The following CD151 variants were observed in gnomAD, a reference collection of about 807,000 sequenced individuals.
CD151 encodes CD151 molecule (Raph blood group), also known as CD151 antigen.
A neutral mutation model predicts 34.2 loss-of-function variants in CD151; 20 were observed. That is an observed-to-expected ratio of 0.58 (90% CI 0.41 to 0.85). The LOEUF (loss-of-function observed/expected upper bound fraction) is 0.85, where lower values mean the gene tolerates loss of function less well. Ranked by LOEUF, CD151 falls within the 40% of genes least tolerant of loss-of-function variation. The pLI, the probability that CD151 is intolerant of heterozygous loss-of-function variation, is 0.00. For missense variants in CD151, 306 were observed against 324.5 expected (o/e 0.94, Z 0.44); for synonymous variants, 157 against 131.7 (o/e 1.19, Z -1.32).
Position 837,232 on chromosome 11 carries a change from C to T in CD151, c.352-18C>T. 1.2e-6 allele frequency: 2 copies of T among 1,602,772 alleles called. No homozygotes were observed. Among genetic ancestry groups the T allele is most frequent in the East Asian group, 2.2e-5 (1 of 44,836 alleles). ...AGGTCTTAGACTGAGGCTGAAGTTT[C>T]CTGCACCCCAACCCCAGCTGAACAC... On this transcript the variant is annotated intron_variant, in intron 5 of 8. Coordinates refer to ENST00000397420, the MANE Select transcript of CD151 (RefSeq NM_004357.5).
At chr11:833,478 T>C (rs998693177) in intron 1 of CD151, among the ~76,000 whole-genome samples, 7 of 152,138 alleles carry the variant, frequency 4.6e-5, no homozygotes, top group African/African-American at 1.4e-4. Context: ...GGTGACCTCA[T>C]TGCAGTGCCC....
At chr11:833,070 G>GCGCGAGGGGGGCGAGGGGC (rs1590205789) in intron 1 of CD151, 44 bp downstream of exon 1, 2 of 130,388 alleles carry the variant, frequency 1.5e-5, no homozygotes, top group Admixed American at 1.5e-4. Flanking sequence ...GGGCGAGCGG[G>GCGCGAGGGGGGCGAGGGGC]GCGAGGGGGG....
At chr11:835,994 CCCT>C (rs1846749179) in intron 2 of CD151, 66 bp from the exon 3 acceptor site, 2 of 922,998 alleles carry the variant, frequency 2.2e-6, no homozygotes, top group Admixed American at 3.6e-5. Context: ...GCCCTGTGTC[CCCT>C]CCTATCCGTC....
At chr11:837,824 T>G in intron 7 of CD151, 118 bp from the exon 8 acceptor site, 1 of 879,112 alleles carries the variant, frequency 1.1e-6, no homozygotes, top group Non-Finnish European at 1.8e-6. Flanking sequence ...GAGCTGTTGG[T>G]GGCCTGGCTG....
intron 1 of CD151, among the ~76,000 whole-genome samples, chr11:833,657 G>T (rs1846627695): frequency 6.6e-6 from 1 of 152,200 alleles, no homozygotes; most frequent in African/African-American, 2.4e-5. Flanking sequence ...AGGCATTCCT[G>T]GGAAGAGGGG....
At position 837,932 on chromosome 11, in the gene CD151, C is replaced by A; in HGVS notation, c.616-10C>A. On this transcript the variant is annotated splice_polypyrimidine_tract_variant and intron_variant, in intron 7 of 8. Transcript: ENST00000397420. ...TGGGCCCGCCTTCAACACCCATCCG[C>A]GCCCCGCAGGGCGGCTGCATCACCA... is the stretch of plus-strand genomic sequence containing the variant. 6.2e-7 allele frequency: 1 copy of A among 1,606,886 alleles called. No homozygotes were observed. Among genetic ancestry groups the A allele is most frequent in the Non-Finnish European group, 8.5e-7 (1 of 1,175,860 alleles).
chr11:835,110 T>G (rs1846702052), intron 2 of CD151: 1 of 152,182 alleles, frequency 6.6e-6, no homozygotes, highest in Non-Finnish European at 1.5e-5. Context: ...AGGTACCCGC[T>G]AGGGCTTCCT....
chr11:833,757 C>T (rs1846634217), intron 1 of CD151, among the ~76,000 whole-genome samples: 1 of 114,264 alleles, frequency 8.8e-6, no homozygotes. Context: ...GACCTTACAG[C>T]CAGGCCAGGG....
intron 4 of CD151, 21 bp downstream of exon 4, chr11:836,463 CG>C: frequency 3.2e-6 from 5 of 1,573,868 alleles, no homozygotes; most frequent in Admixed American, 1.7e-5. Flanking sequence ...CGCAGGGCCA[CG>C]GGGTGGGGGT....
intron 4 of CD151, 35 bp downstream of exon 4, chr11:836,477 T>A (rs1370838279): frequency 2.0e-6 from 3 of 1,498,542 alleles, no homozygotes; most frequent in South Asian, 2.4e-5. Context: ...GTGGGGGTGG[T>A]GCAGATGGGC....
At position 838,014 on chromosome 11, in the gene CD151, A is replaced by G; in HGVS notation, c.688A>G (p.Ile230Val). 6.2e-7 allele frequency: 1 copy of G among 1,613,366 alleles called. No homozygotes were observed. ...GGTCATTGGGGCTGTGGGGATCGGC[A>G]TTGCCTGTGTGCAGGTGAGGGCACA... Reference protein sequence around the residue: ...LRVIGAVGIGIACVQVFGMIF... With the variant: ...LRVIGAVGIGVACVQVFGMIF... The change falls in exon 8 of 9, where the codon ATT (isoleucine) becomes GTT (valine). Residue 230 changes from isoleucine (I) to valine (V), a missense_variant. Physicochemically the swap from Ile to Val is conservative, Grantham distance 29 (BLOSUM62 3). Coordinates refer to ENST00000397420, the MANE Select transcript of CD151 (RefSeq NM_004357.5).
chr11:836,776 T>C lies in CD151; in HGVS notation c.284T>C (p.Ile95Thr). Residue 95 changes from isoleucine (I) to threonine (T), a missense_variant, in exon 5 of 9, where the codon ATC becomes ACC. Ile to Thr is a moderately conservative substitution (Grantham distance 89, BLOSUM62 -1). Transcript: ENST00000397420. Reference sequence around the variant, plus strand: ...TTGTGCTGCCCCCCCCAGTACTTCATCCTGCTCCTCATCATCTTTCTGCTG... The same window carrying C: ...TTGTGCTGCCCCCCCCAGTACTTCACCCTGCTCCTCATCATCTTTCTGCTG... The part of the protein sequence containing the change: ...ERRNLLRLYF[I>T]LLLIIFLLEI... 6.2e-7 allele frequency: 1 copy of C among 1,612,696 alleles called. No individual in the cohort carries two copies. The highest frequency in any genetic ancestry group is 8.5e-7 in the Non-Finnish European group (1 of 1,179,910).
rs908546491 is a variant in CD151, at chr11:838,646, G to A, written c.*454G>A. 8 of 230,962 alleles carry A rather than the reference G, an allele frequency of 3.5e-5. No individual in the cohort carries two copies. The highest frequency in any genetic ancestry group is 2.2e-4 in the East Asian group (2 of 8,920). The allele number at this position is 230,962 out of a possible 1,614,324, so 14.3% of individuals were successfully genotyped here. A position where few individuals can be genotyped will look rare whatever the true frequency, so the allele number is the denominator to read the frequency against. On this transcript the variant is annotated 3_prime_UTR_variant, in exon 9 of 9. Coordinates refer to ENST00000397420, the MANE Select transcript of CD151 (RefSeq NM_004357.5). ...TCCCAACCCAGCCCTCGTCTCCCTC[G>A]ACAGCGCCCCTGCTGTCTTCCCCAC...
chr11:836,765 C>G lies in CD151; in HGVS notation c.277-4C>G, dbSNP rs376390859. On this transcript the variant is annotated splice_region_variant and splice_polypyrimidine_tract_variant and intron_variant, in intron 4 of 8. Transcript: ENST00000397420. ...CAAGGGTGCCCTTGTGCTGCCCCCC[C>G]CAGTACTTCATCCTGCTCCTCATCA... is the stretch of plus-strand genomic sequence containing the variant. The G allele has an allele frequency of 9.9e-5, 159 of 1,612,562 alleles. No homozygotes were observed. The highest frequency in any genetic ancestry group is 1.1e-4 in the Non-Finnish European group (133 of 1,179,896).
rs765563249 is a variant in CD151 at position 836,747 on chromosome 11, G to A, written c.277-22G>A. 6.8e-6 allele frequency: 11 copies of A among 1,607,340 alleles called. No homozygotes were observed. In the South Asian group the frequency reaches 1.1e-4, roughly 16 times the overall value. ...AGGCACTAGGCCTCAGAACAAGGGT[G>A]CCCTTGTGCTGCCCCCCCCAGTACT... On this transcript the variant is annotated intron_variant, in intron 4 of 8. Coordinates refer to ENST00000397420, the MANE Select transcript of CD151 (RefSeq NM_004357.5).
At position 837,495 on chromosome 11, in the gene CD151, G is replaced by A. The variant is rs915743955; in HGVS notation, c.492G>A (p.Trp164Ter). ...GTGGCAGCAACAACTCACAGGACTG[G>A]CGAGACAGTGAGTGGATCCGCTCAC... Reference protein sequence around the residue: ...HCCGSNNSQDWRDSEWIRSQE... With the variant: ...HCCGSNNSQD The change falls in exon 7 of 9, where the codon TGG (tryptophan) becomes TGA (stop). Residue 164 changes from tryptophan (W) to a stop codon, truncating the protein, a stop_gained. Transcript: ENST00000397420. LOFTEE classifies it high-confidence loss of function. 2.5e-6 allele frequency: 4 copies of A among 1,612,848 alleles called. No individual in the cohort carries two copies. Among genetic ancestry groups the A allele is most frequent in the Non-Finnish European group, 3.4e-6 (4 of 1,179,992 alleles).
At chr11:836,190 A>ACCCCCC in intron 3 of CD151, 37 bp downstream of exon 3, 4 of 837,874 alleles carry the variant, frequency 4.8e-6, no homozygotes, top group Non-Finnish European at 7.4e-6. Context: ...CCCCACCCCC[A>ACCCCCC]CCCCTCCCGG....
chr11:835,976 C>T (rs185147276), intron 2 of CD151, 87 bp from the exon 3 acceptor site: 204 of 784,576 alleles, frequency 2.6e-4, no homozygotes, highest in Non-Finnish European at 3.7e-4. Flanking sequence ...CGTGAGCCAC[C>T]GCGCCTGGCC....
rs1173827291 is a variant in CD151 at position 836,063 on chromosome 11, C to G, written c.-7C>G. The stretch of plus-strand genomic sequence containing the variant: ...GCTGACCCCTCCCCTGCCTCCTCAG[C>G]CCCAGGATGGGTGAGTTCAACGAGA... On this transcript the variant is annotated splice_region_variant and 5_prime_UTR_variant, in exon 3 of 9. Transcript: ENST00000397420. The G allele has an allele frequency of 1.9e-6, 3 of 1,604,170 alleles. No individual in the cohort carries two copies. Among genetic ancestry groups the G allele is most frequent in the Non-Finnish European group, 8.5e-7 (1 of 1,172,124 alleles).
Sources: allele counts gnomAD v4.1 joint callset (sites outside exome capture counted in the v4.1 genomes callset), GRCh38; gene constraint gnomAD v4.1.1; transcripts MANE v1.5; gene names NCBI Gene and HGNC (gene_info 2026-07-23, HGNC 2026-07-21).